The following CTNNA3 variants were observed in gnomAD, a reference collection of about 807,000 sequenced individuals.
The protein encoded by CTNNA3 is catenin alpha 3.
In CTNNA3, 76 loss-of-function variants were observed where a neutral mutation model predicts 95.7. That is an observed-to-expected ratio of 0.79 (90% CI 0.66 to 0.96). CTNNA3 has a LOEUF of 0.96. Among genes scored for constraint, CTNNA3 ranks in the 40% least tolerant of loss-of-function variants. The pLI is 0.00. For missense variants in CTNNA3, 1,191 were observed against 1,089.8 expected (o/e 1.09, Z -1.31); for synonymous variants, 431 against 374.4 (o/e 1.15, Z -1.74).
At chr10:66,063,223 TATAG>T (rs34448730) in intron 15 of CTNNA3, among the ~76,000 whole-genome samples, 24,481 of 117,398 alleles carry the variant, frequency 0.21, 2,161 homozygotes, top group East Asian at 0.28. Context: ...TAGATATAGA[TATAG>T]ATAGATAGAT....
At chr10:66,593,658 G>C (rs1843622759) in intron 10 of CTNNA3, among the ~76,000 whole-genome samples, 1 of 152,020 alleles carries the variant, frequency 6.6e-6, no homozygotes. Context: ...GAATCAAAGT[G>C]TTTTTATTAC....
chr10:67,601,413 G>T (rs1255400512), intron 3 of CTNNA3, among the ~76,000 whole-genome samples: 6 of 152,130 alleles, frequency 3.9e-5, no homozygotes, highest in African/African-American at 1.4e-4. Flanking sequence ...ACTCCTATGA[G>T]AATCTAATGC....
intron 5 of CTNNA3, among the ~76,000 whole-genome samples, chr10:67,335,534 T>C (rs1001573856): frequency 2.6e-5 from 4 of 152,242 alleles, no homozygotes; most frequent in Admixed American, 2.0e-4. Context: ...CCATCACCAC[T>C]ACAACCACTA....
intron 9 of CTNNA3, among the ~76,000 whole-genome samples, chr10:66,679,465 G>C (rs1425885300): frequency 2.0e-5 from 3 of 152,278 alleles, no homozygotes; most frequent in African/African-American, 7.2e-5. Context: ...TCTGTTGGGA[G>C]GTAGAAACAG....
rs1839176178 is a variant in CTNNA3 at position 67,499,995 on chromosome 10, G to T, written c.579+21847C>A. On this transcript the variant is annotated intron_variant, in intron 5 of 17. Transcript: ENST00000433211. ...CTAGCTTTTGAGTTTGTTTGCTCTT[G>T]CTTCTCTAGTTCTTTTAATTGTGAC... Among the ~76,000 whole-genome samples the T allele has an allele frequency of 2.0e-5, 3 of 151,982 alleles. No homozygotes were observed. In the South Asian group the frequency reaches 6.2e-4, roughly 32 times the overall value.
chr10:66,946,092 T>C (rs1327830451), intron 7 of CTNNA3, among the ~76,000 whole-genome samples: 2 of 152,152 alleles, frequency 1.3e-5, no homozygotes, highest in Non-Finnish European at 2.9e-5. Flanking sequence ...ACAGAGCTCA[T>C]AGACTTGCTT....
At chr10:67,191,205 C>T (rs114410124) in intron 6 of CTNNA3, among the ~76,000 whole-genome samples, 1 of 152,034 alleles carries the variant, frequency 6.6e-6, no homozygotes, top group African/African-American at 2.4e-5. Context: ...AACATATTGT[C>T]CCACTCTCAC....
chr10:66,667,639 G>A (rs967683961), intron 9 of CTNNA3, among the ~76,000 whole-genome samples: 4 of 152,084 alleles, frequency 2.6e-5, no homozygotes, highest in African/African-American at 9.7e-5. Context: ...AGCCTAGTAA[G>A]CCAAGTGAAT....
chr10:66,208,660 G>T (rs1589734806), intron 13 of CTNNA3, among the ~76,000 whole-genome samples: 2 of 152,082 alleles, frequency 1.3e-5, no homozygotes, highest in East Asian at 3.9e-4. Flanking sequence ...AGAAAGTAAA[G>T]TCAGTATACA....
chr10:66,403,233 G>T (rs2093033346), intron 11 of CTNNA3, among the ~76,000 whole-genome samples: 1 of 152,104 alleles, frequency 6.6e-6, no homozygotes, highest in Admixed American at 6.6e-5. Context: ...TAGCTGCCTG[G>T]TCCTCCTTGC....
At chr10:65,979,324 TTA>T (rs1340673783) in intron 16 of CTNNA3, among the ~76,000 whole-genome samples, 1 of 152,118 alleles carries the variant, frequency 6.6e-6, no homozygotes, top group African/African-American at 2.4e-5. Context: ...CTTTTCAGCT[TTA>T]TGTTACTTCC....
intron 15 of CTNNA3, among the ~76,000 whole-genome samples, chr10:66,062,820 G>A (rs1260948464): frequency 2.0e-5 from 3 of 152,038 alleles, no homozygotes; most frequent in Admixed American, 1.3e-4. Context: ...CTTAGCTTTT[G>A]TAAAACATGA....
chr10:66,464,773 A>AAC (rs1294861509), intron 11 of CTNNA3, among the ~76,000 whole-genome samples: 1 of 151,930 alleles, frequency 6.6e-6, no homozygotes, highest in East Asian at 1.9e-4. Context: ...AAAATAAAAA[A>AAC]AAAAACAAAA....
rs529516400 is a variant in CTNNA3 at position 66,950,843 on chromosome 10, A to G, written c.1048-175319T>C. Among the ~76,000 whole-genome samples the G allele has an allele frequency of 1.6e-4, 24 of 152,292 alleles. No individual in the cohort carries two copies. The South Asian group carries it at 2.1e-3, about 13-fold the overall frequency. On this transcript the variant is annotated intron_variant, in intron 7 of 17. Coordinates refer to ENST00000433211, the MANE Select transcript of CTNNA3 (RefSeq NM_013266.4). ...GAGAGAGATTTTAGAGGCTTCGCAC[A>G]GTGCAGGGAGTTTGGTCTTAACCCA...
At chr10:67,655,623 C>A (rs920935255) in intron 1 of CTNNA3, among the ~76,000 whole-genome samples, 3 of 151,914 alleles carry the variant, frequency 2.0e-5, no homozygotes. Flanking sequence ...GGTGAAACCC[C>A]ATCTCTACTA....
rs117186270 is a variant in CTNNA3, at chr10:66,651,961, C to T, written c.1282-30177G>A. On this transcript the variant is annotated intron_variant, in intron 9 of 17. Coordinates refer to ENST00000433211, the MANE Select transcript of CTNNA3 (RefSeq NM_013266.4). ...GCCAAGGCCAAGGAGGCACCGAGAGCGAGCAAGGGCTGCTAGCACGTTGTC... is the reference window on the plus strand; with the variant it reads ...GCCAAGGCCAAGGAGGCACCGAGAGTGAGCAAGGGCTGCTAGCACGTTGTC... Among the ~76,000 whole-genome samples the T allele has an allele frequency of 1.2e-3, 183 of 150,772 alleles. 2 individuals are homozygous for T. In the East Asian group the frequency reaches 0.03, roughly 25 times the overall value.
rs187817780 is a variant in CTNNA3 at position 66,900,778 on chromosome 10, G to A, written c.1048-125254C>T. Among the ~76,000 whole-genome samples the A allele has an allele frequency of 2.6e-5, 4 of 152,308 alleles. No individual in the cohort carries two copies. In the East Asian group the frequency reaches 7.7e-4, roughly 29 times the overall value. On this transcript the variant is annotated intron_variant, in intron 7 of 17. Coordinates refer to ENST00000433211, the MANE Select transcript of CTNNA3 (RefSeq NM_013266.4). ...CGATCAAGTGGAAGAAGGGATATCAGTGATTGAAGATCAAATTAATGAAAT... is the reference window on the plus strand; with the variant it reads ...CGATCAAGTGGAAGAAGGGATATCAATGATTGAAGATCAAATTAATGAAAT...
chr10:66,594,935 T>G (rs1843662522), intron 10 of CTNNA3, among the ~76,000 whole-genome samples: 1 of 152,166 alleles, frequency 6.6e-6, no homozygotes, highest in South Asian at 2.1e-4. Context: ...TATATAAAAA[T>G]TATTTATAAC....
At chr10:66,190,258 C>A (rs914181622) in intron 13 of CTNNA3, among the ~76,000 whole-genome samples, 1 of 152,040 alleles carries the variant, frequency 6.6e-6, no homozygotes, top group Non-Finnish European at 1.5e-5. Context: ...GGCAGGAATA[C>A]AATGAGATGA....
Sources: allele counts gnomAD v4.1 joint callset (sites outside exome capture counted in the v4.1 genomes callset), GRCh38; gene constraint gnomAD v4.1.1; transcripts MANE v1.5; gene names NCBI Gene and HGNC (gene_info 2026-07-23, HGNC 2026-07-21).